Variants in SLC5A4 observed in about 807,000 individuals in gnomAD.
SLC5A4 encodes solute carrier family 5 member 4.
SLC5A4 carries 55 observed loss-of-function variants against 70.3 expected under a neutral mutation model. The observed-to-expected ratio is 0.78, with a 90% CI of 0.63 to 0.98. SLC5A4 has a LOEUF of 0.98. Among genes scored for constraint, SLC5A4 ranks in the 50% least tolerant of loss-of-function variants. The pLI is 0.00. For missense variants in SLC5A4, 735 were observed against 839.2 expected (o/e 0.88, Z 1.53); for synonymous variants, 268 against 305.7 (o/e 0.88, Z 1.29).
the SLC5A4 span, among the ~76,000 whole-genome samples, chr22:32,319,127 C>G: frequency 6.6e-5 from 10 of 152,334 alleles, no homozygotes; most frequent in East Asian, 1.9e-3. Flanking sequence ...TCCCTTTAGA[C>G]TCAGGGTGGG....
At position 32,239,101 on chromosome 22, in the gene SLC5A4, A is replaced by T; in HGVS notation, c.478-11T>A. ...AGCAAATATGTCTGCCTAAAAAGGG[A>T]ACAGTCAGGATGAGAAAGAAACATG... On this transcript the variant is annotated splice_polypyrimidine_tract_variant and intron_variant, in intron 5 of 14. Coordinates refer to ENST00000266086, the MANE Select transcript of SLC5A4 (RefSeq NM_014227.3). 1 of 1,600,792 alleles carries T rather than the reference A, an allele frequency of 6.2e-7. No individual in the cohort carries two copies. The highest frequency in any genetic ancestry group is 8.6e-7 in the Non-Finnish European group (1 of 1,168,120).
At chr22:32,253,540 C>T (rs777595262) in intron 2 of SLC5A4, among the ~76,000 whole-genome samples, 2 of 152,144 alleles carry the variant, frequency 1.3e-5, no homozygotes, top group African/African-American at 2.4e-5. Context: ...AGCAGGAATG[C>T]GCAGAGCTTG....
the SLC5A4 span, among the ~76,000 whole-genome samples, chr22:32,299,388 G>A: frequency 8.1e-4 from 105 of 128,980 alleles, no homozygotes; most frequent in East Asian, 0.02. Flanking sequence ...TTCCCTTCTC[G>A]CTTCATTTCA....
the SLC5A4 span, among the ~76,000 whole-genome samples, chr22:32,307,561 A>G: frequency 6.6e-6 from 1 of 152,146 alleles, no homozygotes; most frequent in Non-Finnish European, 1.5e-5. Flanking sequence ...ATGTCATTGA[A>G]TGGGTTTTCT....
chr22:32,223,790 G>T (rs1488709080), intron 13 of SLC5A4, among the ~76,000 whole-genome samples: 1 of 152,152 alleles, frequency 6.6e-6, no homozygotes, highest in Non-Finnish European at 1.5e-5. Flanking sequence ...ATTCACTGGT[G>T]CTTTGCACAT....
the SLC5A4 span, among the ~76,000 whole-genome samples, chr22:32,330,326 T>G: frequency 3.1e-5 from 1 of 32,566 alleles, no homozygotes; most frequent in Admixed American, 4.9e-4. Context: ...GTGTGTGTGT[T>G]GGGGGGCTCT....
the SLC5A4 span, among the ~76,000 whole-genome samples, chr22:32,320,201 C>T: frequency 8.5e-5 from 13 of 152,152 alleles, no homozygotes; most frequent in Admixed American, 8.5e-4. Context: ...CACTTGCCAC[C>T]CTGACACTGA....
the SLC5A4 span, among the ~76,000 whole-genome samples, chr22:32,314,077 C>G: frequency 6.6e-6 from 1 of 152,154 alleles, no homozygotes; most frequent in East Asian, 1.9e-4. Context: ...CCAGCAAAGC[C>G]CACCTCCCCA....
rs188360318 is a variant in SLC5A4 at position 32,229,195 on chromosome 22, G to A, written c.1279C>T (p.Arg427Trp). The stretch of plus-strand genomic sequence containing the variant: ...AGGTGGGAACCAGGGTTCACTCACC[G>A]TCCAGCTATCAGGAGCTCTTTCTCC... ...ASEKELLIAG[R>W]IFVLLLTVVS... Residue 427 changes from arginine (R) to tryptophan (W), a missense_variant and splice_region_variant, in exon 11 of 15, where the codon CGG (arginine) becomes TGG (tryptophan). Arg to Trp is a moderately radical substitution (Grantham distance 101, BLOSUM62 -3). Transcript: ENST00000266086. 1.5e-5 allele frequency: 24 copies of A among 1,613,610 alleles called. No homozygotes were observed. In the East Asian group the frequency reaches 1.6e-4, roughly 10 times the overall value.
the SLC5A4 span, among the ~76,000 whole-genome samples, chr22:32,324,955 C>T: frequency 2.6e-4 from 39 of 152,372 alleles, no homozygotes; most frequent in Admixed American, 7.8e-4. Flanking sequence ...TGGTCACATG[C>T]GGGGCTGTAG....
Position 32,248,822 on chromosome 22 carries a change from G to C in SLC5A4, c.313-20C>G, listed in dbSNP as rs760127228. On this transcript the variant is annotated intron_variant, in intron 3 of 14. Transcript: ENST00000266086. ...TGAGGACTACAAGGAACCAAAATAAGAGACAGTGAGACATTAAAGAGGCTT... is the reference window on the plus strand; with the variant it reads ...TGAGGACTACAAGGAACCAAAATAACAGACAGTGAGACATTAAAGAGGCTT... The C allele has an allele frequency of 1.3e-6, 2 of 1,533,866 alleles. No individual in the cohort carries two copies. Among genetic ancestry groups the C allele is most frequent in the Non-Finnish European group, 1.8e-6 (2 of 1,106,968 alleles).
chr22:32,288,561 G>C, the SLC5A4 span, among the ~76,000 whole-genome samples: 1 of 150,894 alleles, frequency 6.6e-6, no homozygotes, highest in Non-Finnish European at 1.5e-5. Flanking sequence ...TCTTTTTTTT[G>C]TTTTTGTTTT....
the SLC5A4 span, among the ~76,000 whole-genome samples, chr22:32,295,420 G>T: frequency 9.0e-6 from 1 of 111,568 alleles, no homozygotes; most frequent in Non-Finnish European, 2.0e-5. Context: ...GGCCAGTGAT[G>T]ATGAGCATTT....
At chr22:32,353,564 C>T in the SLC5A4 span, among the ~76,000 whole-genome samples, 3 of 152,052 alleles carry the variant, frequency 2.0e-5, no homozygotes. Flanking sequence ...TCACTGACAC[C>T]ACCAGCACCA....
the SLC5A4 span, among the ~76,000 whole-genome samples, chr22:32,322,635 A>G: frequency 1.3e-5 from 2 of 151,666 alleles, no homozygotes. Context: ...CAGAGGCCCA[A>G]GGGAGCTGGG....
At chr22:32,343,346 T>G in the SLC5A4 span, among the ~76,000 whole-genome samples, 1 of 152,190 alleles carries the variant, frequency 6.6e-6, no homozygotes, top group African/African-American at 2.4e-5. Context: ...AGCTGACATA[T>G]CTCCTTGCCT....
the SLC5A4 span, among the ~76,000 whole-genome samples, chr22:32,335,507 G>C: frequency 2.0e-5 from 3 of 152,166 alleles, no homozygotes; most frequent in African/African-American, 7.2e-5. Flanking sequence ...GCGGAGTACG[G>C]AGCTAGGCCC....
At chr22:32,222,631 A>C (rs1258781628) in intron 13 of SLC5A4, among the ~76,000 whole-genome samples, 1 of 152,222 alleles carries the variant, frequency 6.6e-6, no homozygotes, top group Non-Finnish European at 1.5e-5. Context: ...GTGTTCTTTC[A>C]TCTAACTCAA....
upstream of SLC5A4, among the ~76,000 whole-genome samples, chr22:32,258,753 G>C (rs1927606301): frequency 6.6e-6 from 1 of 152,066 alleles, no homozygotes; most frequent in Admixed American, 6.6e-5. Context: ...ATTGAAATTG[G>C]CATCGCAAAA....
Sources: allele counts gnomAD v4.1 joint callset (sites outside exome capture counted in the v4.1 genomes callset), GRCh38; gene constraint gnomAD v4.1.1; transcripts MANE v1.5; gene names NCBI Gene and HGNC (gene_info 2026-07-23, HGNC 2026-07-21).